Variants in CABCOCO1 observed in about 807,000 individuals in gnomAD.
The protein encoded by CABCOCO1 is ciliary-associated calcium-binding coiled-coil protein 1.
In CABCOCO1, 28 loss-of-function variants were observed where a neutral mutation model predicts 35.7. The ratio of observed to expected loss-of-function variants is 0.78; its 90% CI spans 0.58 to 1.07. CABCOCO1 has a LOEUF of 1.07. Among genes scored for constraint, CABCOCO1 ranks in the 50% least tolerant of loss-of-function variants. The pLI is 0.00. For missense variants in CABCOCO1, 326 were observed against 309.2 expected (o/e 1.05, Z -0.41); for synonymous variants, 95 against 100.1 (o/e 0.95, Z 0.30).
intron 5 of CABCOCO1, among the ~76,000 whole-genome samples, chr10:61,707,243 G>T (rs1188909752): frequency 6.6e-6 from 1 of 152,112 alleles, no homozygotes; most frequent in Non-Finnish European, 1.5e-5. Flanking sequence ...TAGCAAGTTA[G>T]GCAGGCGAAT....
In CABCOCO1 at chr10:61,686,190, G is replaced by T; in HGVS notation, c.479+5G>T. The T allele has an allele frequency of 6.5e-7, 1 of 1,542,474 alleles. No individual in the cohort carries two copies. Among genetic ancestry groups the T allele is most frequent in the Admixed American group, 2.4e-5 (1 of 42,466 alleles). ...CATTGATTACTTAAAAATCAGGTAT[G>T]GATTATTTTCAGTAACATTTATTTT... is the stretch of plus-strand genomic sequence containing the variant. On this transcript the variant is annotated splice_donor_5th_base_variant and intron_variant, in intron 4 of 7. Coordinates refer to ENST00000648843, the MANE Select transcript of CABCOCO1 (RefSeq NM_001366906.2).
chr10:61,737,907 C>T (rs1210330476), intron 5 of CABCOCO1, among the ~76,000 whole-genome samples: 1 of 151,964 alleles, frequency 6.6e-6, no homozygotes, highest in Non-Finnish European at 1.5e-5. Context: ...ACCCCTGTGA[C>T]ACATGTTTAC....
intron 5 of CABCOCO1, among the ~76,000 whole-genome samples, chr10:61,744,800 A>T (rs529997928): frequency 6.6e-6 from 1 of 152,312 alleles, no homozygotes; most frequent in East Asian, 1.9e-4. Context: ...GGCAAACACC[A>T]TAGAGGTCTA....
intron 5 of CABCOCO1, 94 bp from the exon 6 acceptor site, chr10:61,759,965 A>C: frequency 1.5e-5 from 22 of 1,464,426 alleles, no homozygotes; most frequent in Non-Finnish European, 2.0e-5. Flanking sequence ...AAGATAACAG[A>C]CTTGGAACTA....
chr10:61,759,197 G>C (rs1480128492), intron 5 of CABCOCO1, among the ~76,000 whole-genome samples: 2 of 151,918 alleles, frequency 1.3e-5, no homozygotes, highest in Non-Finnish European at 2.9e-5. Flanking sequence ...TTTACAATGA[G>C]GCATGTAGTA....
intron 1 of CABCOCO1, among the ~76,000 whole-genome samples, chr10:61,667,223 A>G (rs1839215154): frequency 6.8e-6 from 1 of 147,542 alleles, no homozygotes; most frequent in African/African-American, 2.5e-5. Flanking sequence ...TTTATTATAT[A>G]CATTTTTATT....
chr10:61,667,672 A>T (rs1334088274), intron 1 of CABCOCO1, among the ~76,000 whole-genome samples: 2 of 151,948 alleles, frequency 1.3e-5, no homozygotes, highest in African/African-American at 2.4e-5. Flanking sequence ...TCTGTTTCTA[A>T]TTAGCTTCTT....
chr10:61,669,048 A>G (rs1839279983), intron 1 of CABCOCO1, among the ~76,000 whole-genome samples: 1 of 150,514 alleles, frequency 6.6e-6, no homozygotes, highest in Non-Finnish European at 1.5e-5. Flanking sequence ...TTCCAAGTCT[A>G]GAATTTGCAG....
intron 5 of CABCOCO1, among the ~76,000 whole-genome samples, chr10:61,714,877 C>T (rs1840822229): frequency 6.6e-6 from 1 of 152,084 alleles, no homozygotes. Flanking sequence ...GTCTGAGAGA[C>T]AGTTTGTTGT....
chr10:61,732,996 T>C (rs1366750380), intron 5 of CABCOCO1, among the ~76,000 whole-genome samples: 1 of 152,062 alleles, frequency 6.6e-6, no homozygotes, highest in Non-Finnish European at 1.5e-5. Context: ...GGAAATGCTT[T>C]GATATTTATG....
intron 5 of CABCOCO1, among the ~76,000 whole-genome samples, chr10:61,721,979 C>T (rs1841034043): frequency 6.6e-6 from 1 of 152,138 alleles, no homozygotes; most frequent in African/African-American, 2.4e-5. Flanking sequence ...TAAAAATCTT[C>T]CACAGAAGGC....
chr10:61,699,955 TA>T (rs1160150004), intron 5 of CABCOCO1, among the ~76,000 whole-genome samples: 1 of 152,164 alleles, frequency 6.6e-6, no homozygotes, highest in African/African-American at 2.4e-5. Flanking sequence ...AGAAAAGTTT[TA>T]TTTTATTGAT....
At chr10:61,687,760 T>C (rs1840011133) in intron 4 of CABCOCO1, among the ~76,000 whole-genome samples, 1 of 152,156 alleles carries the variant, frequency 6.6e-6, no homozygotes, top group Non-Finnish European at 1.5e-5. Context: ...TATTATTACT[T>C]CACTAAAAAT....
intron 7 of CABCOCO1, among the ~76,000 whole-genome samples, chr10:61,763,451 G>T (rs1056285177): frequency 2.0e-5 from 3 of 151,950 alleles, no homozygotes; most frequent in African/African-American, 7.2e-5. Context: ...AGCCTGTATA[G>T]TTTAGGTATT....
chr10:61,760,924 A>G lies in CABCOCO1; in HGVS notation c.737A>G (p.Asp246Gly), dbSNP rs1487577036. ...CCAGAAACTGACACCTCAGACATGGATCCTTTAGTTGGTTTTACCATTGAA... is the reference window on the plus strand; with the variant it reads ...CCAGAAACTGACACCTCAGACATGGGTCCTTTAGTTGGTTTTACCATTGAA... ...SQPETDTSDM[D>G]PLVGFTIEDV... is the part of the protein sequence containing the mutation. Residue 246 changes from aspartate to glycine, a missense_variant, in exon 7 of 8, where the codon GAT becomes GGT. Transcript: ENST00000648843. The G allele has an allele frequency of 3.1e-6, 5 of 1,612,664 alleles. No individual in the cohort carries two copies. Among genetic ancestry groups the G allele is most frequent in the Non-Finnish European group, 3.4e-6 (4 of 1,179,156 alleles).
chr10:61,733,789 A>T (rs192825358), intron 5 of CABCOCO1, among the ~76,000 whole-genome samples: 1 of 152,192 alleles, frequency 6.6e-6, no homozygotes, highest in East Asian at 1.9e-4. Context: ...AGTGGATTTT[A>T]CCTCAATTTT....
intron 2 of CABCOCO1, among the ~76,000 whole-genome samples, chr10:61,675,925 A>C (rs531505171): frequency 6.6e-6 from 1 of 152,342 alleles, no homozygotes; most frequent in South Asian, 2.1e-4. Context: ...TACATTCAAC[A>C]TAGTGAATCA....
At chr10:61,737,330 G>C (rs1454107695) in intron 5 of CABCOCO1, among the ~76,000 whole-genome samples, 2 of 152,128 alleles carry the variant, frequency 1.3e-5, no homozygotes, top group Admixed American at 6.5e-5. Context: ...AGAGAAAAGG[G>C]AACCCCTCTA....
chr10:61,761,052 G>A, intron 7 of CABCOCO1, 49 bp downstream of exon 7: 1 of 1,587,798 alleles, frequency 6.3e-7, no homozygotes, highest in Non-Finnish European at 8.6e-7. Context: ...TGGTTAATTA[G>A]CCAACCTTAA....
Sources: gnomAD v4.1 joint callset for allele counts (sites outside exome capture counted in the v4.1 genomes callset) on GRCh38, gnomAD v4.1.1 for gene constraint, MANE v1.5 for transcripts, NCBI Gene and HGNC (gene_info 2026-07-23, HGNC 2026-07-21) for gene names.